ARHGEF9: variants seen among roughly 807,000 people sequenced by gnomAD.
ARHGEF9 encodes rho guanine nucleotide exchange factor 9.
A neutral mutation model predicts 41.3 loss-of-function variants in ARHGEF9; 2 were observed. The ratio of observed to expected loss-of-function variants is 0.05; its 90% confidence interval spans 0.02 to 0.15. The LOEUF (loss-of-function observed/expected upper bound fraction) is 0.15. ARHGEF9 is among the 10% of genes least tolerant of loss of function. The pLI is 1.00. For missense variants in ARHGEF9, 225 were observed against 424.7 expected, an observed-to-expected ratio of 0.53 and a Z score of 4.13; for synonymous variants, 160 against 154.4, an observed-to-expected ratio of 1.04 and a Z score of -0.27.
chrX:63,719,018 T>C (rs781905059), intron 2 of ARHGEF9, among the ~76,000 whole-genome samples: 1 of 112,336 alleles, frequency 8.9e-6, no homozygotes, highest in South Asian at 3.7e-4. Flanking sequence ...CCAAATGATG[T>C]ACTAGATGAT....
intron 1 of ARHGEF9, among the ~76,000 whole-genome samples, chrX:63,762,255 G>A (rs1435798704): frequency 1.8e-5 from 2 of 111,958 alleles, no homozygotes; most frequent in African/African-American, 3.3e-5. Context: ...ATCAAATTAA[G>A]CATGGAGCTT....
At chrX:63,706,598 T>C (rs2052562875) in intron 2 of ARHGEF9, 149 bp from the exon 3 acceptor site, 5 of 658,028 alleles carry the variant, frequency 7.6e-6, no homozygotes, top group Non-Finnish European at 9.1e-6. Context: ...AACCTGGCTC[T>C]AGGGTGACTT....
intron 8 of ARHGEF9, among the ~76,000 whole-genome samples, chrX:63,644,764 T>TA (rs199557778): frequency 4.9e-5 from 4 of 81,183 alleles, no homozygotes; most frequent in African/African-American, 1.3e-4. Context: ...TTATTATTAT[T>TA]TTTTTTTTTT....
intron 2 of ARHGEF9, among the ~76,000 whole-genome samples, chrX:63,714,984 A>C (rs1430642620): frequency 2.7e-5 from 3 of 111,854 alleles, no homozygotes; most frequent in African/African-American, 9.8e-5. Context: ...GGTATTGATG[A>C]TTTCTGCCCA....
At chrX:63,665,744 T>G in intron 7 of ARHGEF9, 142 bp downstream of exon 7, 1 of 798,510 alleles carries the variant, frequency 1.3e-6, no homozygotes, top group Non-Finnish European at 1.8e-6. Flanking sequence ...GTGTTCCTGA[T>G]ACAGAATTGC....
chrX:63,777,058 A>G (rs2056305621), intron 1 of ARHGEF9, among the ~76,000 whole-genome samples: 1 of 112,012 alleles, frequency 8.9e-6, no homozygotes, highest in African/African-American at 3.2e-5. Flanking sequence ...GAAGCATGTC[A>G]TGTATTAGCC....
intron 1 of ARHGEF9, among the ~76,000 whole-genome samples, chrX:63,768,278 A>G (rs1249922331): frequency 8.9e-6 from 1 of 112,041 alleles, no homozygotes; most frequent in Non-Finnish European, 1.9e-5. Context: ...AAGAGCCTCT[A>G]GCTCCATCCA....
chrX:63,653,729 G>C (rs1448613850), intron 8 of ARHGEF9, among the ~76,000 whole-genome samples: 14 of 111,257 alleles, frequency 1.3e-4, no homozygotes, highest in Non-Finnish European at 2.3e-4. Flanking sequence ...CAGAGAAGGG[G>C]AAGGAATGCT....
Position 63,634,978 on chromosome X carries a change from TTC to T in ARHGEF9, c.*3048_*3049del, listed in dbSNP as rs1383271946. On this transcript the variant is annotated 3_prime_UTR_variant, in exon 10 of 10. Coordinates refer to ENST00000671741, the MANE Select transcript of ARHGEF9 (RefSeq NM_001353921.2). ...GCTATGCCAGGAGGTGTCTTTTTAC[TTC>T]TTTTATTGAACTCCATAAATATTTT... The T allele has an allele frequency of 5.3e-6, 1 of 187,245 alleles. No homozygotes were observed. Among genetic ancestry groups the T allele is most frequent in the Non-Finnish European group, 9.5e-6 (1 of 105,284 alleles). 15.4% of individuals were successfully genotyped at this position (187,245 alleles called of 1,213,427 possible).
At chrX:63,777,673 T>G (rs2056314743) in intron 1 of ARHGEF9, among the ~76,000 whole-genome samples, 1 of 112,588 alleles carries the variant, frequency 8.9e-6, no homozygotes. Flanking sequence ...TACAAAGACA[T>G]TGGGTAAATA....
chrX:63,718,641 GT>G (rs2053464924), intron 2 of ARHGEF9, among the ~76,000 whole-genome samples: 1 of 111,954 alleles, frequency 8.9e-6, no homozygotes, highest in African/African-American at 3.2e-5. Context: ...CATTCAGAAT[GT>G]CTCCTACTGG....
Position 63,703,996 on chromosome X carries a change from C to T in ARHGEF9, c.402+2262G>A, listed in dbSNP as rs781950879. Among the ~76,000 whole-genome samples, 8 of 111,218 alleles carry T rather than the reference C, an allele frequency of 7.2e-5. No individual in the cohort carries two copies. In the South Asian group the frequency reaches 1.5e-3, roughly 21 times the overall value. ...GAGGCCAGTATAGCTGGAGTAGTAACGAAAGCATAGCAGAAAGGAGCAGGA... is the reference window on the plus strand; with the variant it reads ...GAGGCCAGTATAGCTGGAGTAGTAATGAAAGCATAGCAGAAAGGAGCAGGA... On this transcript the variant is annotated intron_variant, in intron 3 of 9. Transcript: ENST00000671741.
intron 1 of ARHGEF9, among the ~76,000 whole-genome samples, chrX:63,771,855 C>T (rs1556455114): frequency 1.8e-5 from 2 of 111,535 alleles, no homozygotes; most frequent in East Asian, 2.8e-4. Flanking sequence ...TCATGAGTCA[C>T]GATGCCCGAC....
At position 63,638,099 on chromosome X, in the gene ARHGEF9, A is replaced by T; in HGVS notation, c.1501T>A (p.Phe501Ile). ...GACTGGCTGCGCTTGGGTTCGGTGA[A>T]CTCAAAGACCTGCGACTGAGCGATG... ...DGIAQSQVFE[F>I]TEPKRSQSPF... Residue 501 changes from phenylalanine to isoleucine, a missense_variant, in exon 10 of 10, where the codon TTC becomes ATC. Physicochemically the swap from Phe to Ile is conservative, Grantham distance 21. Coordinates refer to ENST00000671741, the MANE Select transcript of ARHGEF9 (RefSeq NM_001353921.2). The T allele has an allele frequency of 8.3e-7, 1 of 1,209,977 alleles. No homozygotes were observed. The highest frequency in any genetic ancestry group is 1.1e-6 in the Non-Finnish European group (1 of 894,836).
chrX:63,655,856 G>T (rs2048844241), intron 7 of ARHGEF9, 119 bp from the exon 8 acceptor site: 85 of 978,019 alleles, frequency 8.7e-5, no homozygotes, highest in Non-Finnish European at 1.2e-4. Context: ...ATGGGGGTTG[G>T]TTTGTTCTAA....
At chrX:63,663,272 G>A (rs1556343730) in intron 7 of ARHGEF9, among the ~76,000 whole-genome samples, 1 of 111,364 alleles carries the variant, frequency 9.0e-6, no homozygotes, top group African/African-American at 3.3e-5. Context: ...TTTGAACATA[G>A]CTTTAAAAGT....
chrX:63,670,526 C>T (rs1187477614), intron 6 of ARHGEF9, among the ~76,000 whole-genome samples: 2 of 108,214 alleles, frequency 1.8e-5, no homozygotes, highest in Non-Finnish European at 3.8e-5. Context: ...GTTCCTGCTA[C>T]AAATCTCCAG....
intron 1 of ARHGEF9, among the ~76,000 whole-genome samples, chrX:63,747,033 C>T (rs782276546): frequency 1.8e-5 from 2 of 112,271 alleles, no homozygotes; most frequent in South Asian, 7.4e-4. Context: ...ATCCTTAAAA[C>T]CACTCTGTGT....
At chrX:63,655,130 A>C (rs782130554) in intron 8 of ARHGEF9, among the ~76,000 whole-genome samples, 1 of 112,491 alleles carries the variant, frequency 8.9e-6, no homozygotes, top group Admixed American at 9.4e-5. Context: ...TATCCTAATC[A>C]GGAGTACAAA....
Sources: gnomAD v4.1 joint callset for allele counts (sites outside exome capture counted in the v4.1 genomes callset) on GRCh38, gnomAD v4.1.1 for gene constraint, MANE v1.5 for transcripts, NCBI Gene and HGNC (gene_info 2026-07-23, HGNC 2026-07-21) for gene names.